The following WDR27 variants were observed in gnomAD, a reference collection of about 807,000 sequenced individuals.
WDR27 encodes the protein WD repeat domain 27.
A neutral mutation model predicts 114.4 loss-of-function variants in WDR27; 100 were observed. The observed-to-expected ratio is 0.87, with a 90% CI of 0.74 to 1.03. WDR27 has a LOEUF of 1.03. WDR27 is among the 50% of genes least tolerant of loss of function. The pLI is 0.00. For missense variants in WDR27, 1,129 were observed against 1,092.9 expected (o/e 1.03, Z -0.47); for synonymous variants, 449 against 423.1 (o/e 1.06, Z -0.75).
chr6:169,559,028 A>G (rs1338567472), intron 25 of WDR27: 1 of 152,242 alleles, frequency 6.6e-6, no homozygotes, highest in African/African-American at 2.4e-5. Flanking sequence ...TTTACAGTAA[A>G]AATAATAATA....
chr6:169,514,477 C>A (rs1166760852), intron 25 of WDR27, among the ~76,000 whole-genome samples: 1 of 147,012 alleles, frequency 6.8e-6, no homozygotes, highest in African/African-American at 2.5e-5. Flanking sequence ...TATACACATA[C>A]AAATATATAT....
chr6:169,555,830 A>G (rs1302220799), intron 25 of WDR27, among the ~76,000 whole-genome samples: 3 of 152,238 alleles, frequency 2.0e-5, no homozygotes, highest in Non-Finnish European at 4.4e-5. Flanking sequence ...TAACTTGCAG[A>G]GATAATGAAG....
intron 24 of WDR27, among the ~76,000 whole-genome samples, chr6:169,582,445 G>A (rs141376479): frequency 1.1e-4 from 17 of 152,204 alleles, no homozygotes; most frequent in Middle Eastern, 3.4e-3. Context: ...TCAAAATCCC[G>A]TTCTTACTTG....
intron 16 of WDR27, among the ~76,000 whole-genome samples, chr6:169,645,062 A>AAAAAG (rs1409557279): frequency 7.3e-6 from 1 of 137,766 alleles, no homozygotes; most frequent in Non-Finnish European, 1.5e-5. Context: ...AAAAAAAGAA[A>AAAAAG]ATCCTAGTTC....
At chr6:169,632,842 AT>A in intron 21 of WDR27, 104 bp downstream of exon 21, 1 of 1,091,546 alleles carries the variant, frequency 9.2e-7, no homozygotes, top group Non-Finnish European at 1.2e-6. Context: ...TTAACATTGA[AT>A]TTGGTAGCAA....
intron 25 of WDR27, among the ~76,000 whole-genome samples, chr6:169,533,368 T>A (rs1013556511): frequency 3.3e-5 from 5 of 152,112 alleles, no homozygotes; most frequent in African/African-American, 1.2e-4. Context: ...TTATATCCTA[T>A]GCCCAGGAGT....
At chr6:169,481,659 C>T (rs1011428508) in intron 25 of WDR27, among the ~76,000 whole-genome samples, 17 of 152,114 alleles carry the variant, frequency 1.1e-4, no homozygotes, top group Admixed American at 9.8e-4. Flanking sequence ...TAACACTCAC[C>T]GCAAAGGTCT....
At chr6:169,630,454 A>T (rs1180745942) in intron 21 of WDR27, among the ~76,000 whole-genome samples, 1 of 152,258 alleles carries the variant, frequency 6.6e-6, no homozygotes, top group Non-Finnish European at 1.5e-5. Context: ...GCACTCAGGT[A>T]TCTTAAAGTC....
chr6:169,458,576 A>G (rs1784559191), intron 25 of WDR27, among the ~76,000 whole-genome samples: 1 of 152,202 alleles, frequency 6.6e-6, no homozygotes, highest in African/African-American at 2.4e-5. Flanking sequence ...GGATCACTTG[A>G]GGTCAGGAGT....
intron 9 of WDR27, 83 bp downstream of exon 9, chr6:169,662,221 T>C (rs2128273687): frequency 6.6e-7 from 1 of 1,516,938 alleles, no homozygotes; most frequent in South Asian, 1.2e-5. Flanking sequence ...ATCTCAGTCA[T>C]TCTTAGAAAA....
At chr6:169,682,485 G>A (rs368782322) in intron 2 of WDR27, among the ~76,000 whole-genome samples, 28 of 152,270 alleles carry the variant, frequency 1.8e-4, no homozygotes, top group African/African-American at 6.5e-4. Flanking sequence ...TGCAAGACTC[G>A]CAGCAATCCT....
At position 169,662,305 on chromosome 6, in the gene WDR27, A is replaced by G; in HGVS notation, c.1024T>C (p.Cys342Arg). Residue 342 changes from cysteine to arginine, a missense_variant and splice_region_variant, in exon 9 of 26, where the codon TGT becomes CGT. Cys to Arg is a radical substitution (Grantham distance 180, BLOSUM62 -3). Coordinates refer to ENST00000448612, the MANE Select transcript of WDR27 (RefSeq NM_182552.5). ...ATAGGCAAAGTTTTTGATACTTACC[A>G]TCCACATGCAGAATTTGGGATGAGT... ...LSLIPNSACG[C>R]LSSENTRCVW... 6.2e-7 allele frequency: 1 copy of G among 1,613,306 alleles called. No individual in the cohort carries two copies. The highest frequency in any genetic ancestry group is 8.5e-7 in the Non-Finnish European group (1 of 1,179,256).
chr6:169,556,452 C>T (rs1329989473), intron 25 of WDR27, among the ~76,000 whole-genome samples: 1 of 152,130 alleles, frequency 6.6e-6, no homozygotes, highest in Non-Finnish European at 1.5e-5. Flanking sequence ...CAAGCCACAG[C>T]AGTTTTGCTA....
chr6:169,637,170 T>A (rs578144654), intron 18 of WDR27, among the ~76,000 whole-genome samples: 61 of 152,308 alleles, frequency 4.0e-4, no homozygotes, highest in African/African-American at 1.4e-3. Flanking sequence ...AGGTTATCTA[T>A]CATCTTCCTG....
chr6:169,566,078 T>C (rs1584259669), intron 25 of WDR27, among the ~76,000 whole-genome samples: 1 of 151,672 alleles, frequency 6.6e-6, no homozygotes, highest in South Asian at 2.1e-4. Context: ...TAAAACATTT[T>C]GTAATGTATT....
intron 25 of WDR27, among the ~76,000 whole-genome samples, chr6:169,564,138 A>T (rs1800083957): frequency 6.6e-6 from 1 of 152,240 alleles, no homozygotes; most frequent in Non-Finnish European, 1.5e-5. Flanking sequence ...CCCCTGGCAA[A>T]CCACTAGTGT....
chr6:169,489,025 T>G (rs1225312890), intron 25 of WDR27, among the ~76,000 whole-genome samples: 1 of 151,814 alleles, frequency 6.6e-6, no homozygotes, highest in East Asian at 1.9e-4. Context: ...ACATAATCAT[T>G]TAGTTAGGCC....
intron 24 of WDR27, among the ~76,000 whole-genome samples, chr6:169,576,346 G>A (rs542331185): frequency 1.3e-5 from 2 of 152,374 alleles, no homozygotes; most frequent in South Asian, 2.1e-4. Flanking sequence ...GCCATGCTCC[G>A]AGATGAAGGG....
intron 21 of WDR27, among the ~76,000 whole-genome samples, chr6:169,617,941 A>G (rs1171477583): frequency 6.6e-6 from 1 of 152,202 alleles, no homozygotes; most frequent in African/African-American, 2.4e-5. Context: ...TCTTCATTAA[A>G]AGGAAAACCT....
Sources: allele counts gnomAD v4.1 joint callset (sites outside exome capture counted in the v4.1 genomes callset), GRCh38; gene constraint gnomAD v4.1.1; transcripts MANE v1.5; gene names NCBI Gene and HGNC (gene_info 2026-07-23, HGNC 2026-07-21).